TIAM1: variants seen among roughly 807,000 people sequenced by gnomAD.
TIAM1 encodes the protein rho guanine nucleotide exchange factor TIAM1.
A neutral mutation model predicts 163.5 loss-of-function variants in TIAM1; 65 were observed. That is an observed-to-expected ratio of 0.40 (90% CI 0.33 to 0.49). TIAM1 has a LOEUF of 0.49. Among genes scored for constraint, TIAM1 ranks in the 20% least tolerant of loss-of-function variants. The pLI, the probability that TIAM1 is intolerant of heterozygous loss-of-function variation, is 0.77. For synonymous variants in TIAM1, 833 were observed against 810.1 expected (o/e 1.03, Z -0.48); for missense variants, 1,789 against 2,044.7 (o/e 0.87, Z 2.41).
At chr21:31,122,571 G>T (rs933437894) in intron 27 of TIAM1, among the ~76,000 whole-genome samples, 6 of 152,176 alleles carry the variant, frequency 3.9e-5, no homozygotes, top group Admixed American at 3.9e-4. Flanking sequence ...AATATAGATG[G>T]TAGGTATGAA....
intron 1 of TIAM1, among the ~76,000 whole-genome samples, chr21:31,522,062 A>T (rs539571334): frequency 5.9e-5 from 9 of 151,740 alleles, no homozygotes; most frequent in African/African-American, 2.2e-4. Flanking sequence ...TAGTAGAGAC[A>T]GGGTTTCACC....
At chr21:31,479,668 C>T (rs542232137) in intron 1 of TIAM1, among the ~76,000 whole-genome samples, 25 of 152,112 alleles carry the variant, frequency 1.6e-4, no homozygotes, top group African/African-American at 5.5e-4. Flanking sequence ...CCTTGGGAGC[C>T]AATTTACTAA....
At chr21:31,194,871 A>G (rs774550839) in intron 13 of TIAM1, among the ~76,000 whole-genome samples, 3 of 152,206 alleles carry the variant, frequency 2.0e-5, no homozygotes, top group African/African-American at 4.8e-5. Flanking sequence ...CTCTCATTCT[A>G]TTTTGTAGAA....
intron 2 of TIAM1, among the ~76,000 whole-genome samples, chr21:31,456,528 A>G (rs2045109250): frequency 6.6e-6 from 1 of 152,232 alleles, no homozygotes; most frequent in Non-Finnish European, 1.5e-5. Flanking sequence ...AAAAGTTGGC[A>G]AATTTCTCAC....
chr21:31,347,499 G>A (rs948581853), upstream of TIAM1, among the ~76,000 whole-genome samples: 5 of 152,194 alleles, frequency 3.3e-5, no homozygotes, highest in African/African-American at 9.7e-5. Flanking sequence ...AAAGCCACTC[G>A]TTTTGCTTTT....
chr21:31,179,889 T>C (rs2084932930), intron 15 of TIAM1, among the ~76,000 whole-genome samples: 1 of 151,214 alleles, frequency 6.6e-6, no homozygotes, highest in South Asian at 2.1e-4. Flanking sequence ...TACACGTACA[T>C]ATACATACAC....
At chr21:31,294,178 TGGAA>T (rs1043121499) in intron 2 of TIAM1, among the ~76,000 whole-genome samples, 39 of 152,224 alleles carry the variant, frequency 2.6e-4, no homozygotes, top group African/African-American at 8.9e-4. Flanking sequence ...GGAGGGAGGT[TGGAA>T]TGATTGTTCA....
At chr21:31,521,363 G>T (rs1288521010) in intron 1 of TIAM1, among the ~76,000 whole-genome samples, 3 of 152,180 alleles carry the variant, frequency 2.0e-5, no homozygotes, top group Non-Finnish European at 4.4e-5. Flanking sequence ...GCAGTCATTA[G>T]CTGCATGACC....
At chr21:31,353,740 C>A (rs537290064) in intron 2 of TIAM1, among the ~76,000 whole-genome samples, 2 of 152,056 alleles carry the variant, frequency 1.3e-5, no homozygotes, top group Admixed American at 1.3e-4. Context: ...CAGCTCTCTC[C>A]AACCTCACTA....
chr21:31,175,103 T>TGGC (rs994755395), intron 15 of TIAM1, among the ~76,000 whole-genome samples: 7 of 152,096 alleles, frequency 4.6e-5, no homozygotes, highest in African/African-American at 1.7e-4. Flanking sequence ...CCACCACGCC[T>TGGC]GGCTAATTTT....
At chr21:31,537,626 C>T (rs113680195) in intron 1 of TIAM1, among the ~76,000 whole-genome samples, 6,435 of 151,872 alleles carry the variant, frequency 0.042, 439 homozygotes, top group African/African-American at 0.15. Context: ...GTGGTGGATG[C>T]GTGTATTCCC....
chr21:31,330,897 C>T (rs2075658263), intron 2 of TIAM1, among the ~76,000 whole-genome samples: 1 of 149,346 alleles, frequency 6.7e-6, no homozygotes, highest in East Asian at 1.9e-4. Flanking sequence ...GCATCCATTT[C>T]TAATACTATG....
In TIAM1 at chr21:31,141,417, T is replaced by C; in HGVS notation, c.3563A>G (p.Lys1188Arg). The change falls in exon 21 of 28, where the codon AAG (lysine) becomes AGG (arginine). Residue 1188 changes from lysine to arginine, a missense_variant. Coordinates refer to ENST00000541036, the MANE Select transcript of TIAM1 (RefSeq NM_001353694.2). The surrounding 1 kb of genome is among the most constrained non-coding windows in gnomAD (Gnocchi z 4.7). Reference sequence around the variant, plus strand: ...GTACTTGAGGATCCTCTGGATGGGCTTGATGAGGTACGACTCCAGCGTGGA... The same window carrying C: ...GTACTTGAGGATCCTCTGGATGGGCCTGATGAGGTACGACTCCAGCGTGGA... ...HSSTLESYLI[K>R]PIQRILKYPL... 1 of 1,614,242 alleles carries C rather than the reference T, an allele frequency of 6.2e-7. No homozygotes were observed. Among genetic ancestry groups the C allele is most frequent in the Non-Finnish European group, 8.5e-7 (1 of 1,180,042 alleles).
At chr21:31,368,961 C>G (rs557672915) in intron 2 of TIAM1, among the ~76,000 whole-genome samples, 1 of 151,944 alleles carries the variant, frequency 6.6e-6, no homozygotes, top group African/African-American at 2.4e-5. Context: ...GATGATAGGT[C>G]GGGCGTGGTG....
At chr21:31,427,988 G>A (rs568400266) in intron 2 of TIAM1, among the ~76,000 whole-genome samples, 10 of 152,186 alleles carry the variant, frequency 6.6e-5, no homozygotes, top group African/African-American at 1.7e-4. Context: ...GCGGCCAGGC[G>A]CAGTGGCTCA....
chr21:31,518,501 G>A (rs1291987367), intron 1 of TIAM1, among the ~76,000 whole-genome samples: 1 of 151,988 alleles, frequency 6.6e-6, no homozygotes, highest in Admixed American at 6.6e-5. Context: ...TGGTCAGGCT[G>A]GTCTCAAACT....
At chr21:31,379,820 G>A (rs960609507) in intron 2 of TIAM1, among the ~76,000 whole-genome samples, 70 of 152,296 alleles carry the variant, frequency 4.6e-4, no homozygotes, top group African/African-American at 1.6e-3. Flanking sequence ...TCCAGAACAG[G>A]AAATCTATGG....
intron 6 of TIAM1, 60 bp from the exon 7 acceptor site, chr21:31,226,010 A>C: frequency 6.8e-7 from 1 of 1,473,010 alleles, no homozygotes; most frequent in Non-Finnish European, 9.4e-7. Context: ...AAGAGAAATG[A>C]ACCGGAGCAT....
chr21:31,304,580 T>C (rs535022039), intron 2 of TIAM1, among the ~76,000 whole-genome samples: 1 of 152,334 alleles, frequency 6.6e-6, no homozygotes, highest in South Asian at 2.1e-4. Context: ...AGATTCTTTT[T>C]AAAATGTGGT....
Sources: gnomAD v4.1 joint callset for allele counts (sites outside exome capture counted in the v4.1 genomes callset) on GRCh38, gnomAD v4.1.1 for gene constraint, Gnocchi (gnomAD v3.1) non-coding constraint, MANE v1.5 for transcripts, NCBI Gene and HGNC (gene_info 2026-07-23, HGNC 2026-07-21) for gene names.